Variants in LRP8 observed in about 807,000 individuals in gnomAD.
LRP8 encodes the protein low-density lipoprotein receptor-related protein 8.
Under a neutral mutation model 111.6 loss-of-function variants are expected in LRP8, and 46 were observed. The observed-to-expected ratio is 0.41, with a 90% CI of 0.33 to 0.53. The LOEUF (loss-of-function observed/expected upper bound fraction) is 0.53, where lower values mean the gene tolerates loss of function less well. LRP8 is among the 20% of genes least tolerant of loss of function. The pLI, the probability that LRP8 is intolerant of heterozygous loss-of-function variation, is 0.20. For missense variants in LRP8, 959 were observed against 1,297.4 expected (o/e 0.74, Z 4.01); for synonymous variants, 464 against 511.2 (o/e 0.91, Z 1.24).
At chr1:53,290,652 A>G (rs900684229) in intron 2 of LRP8, among the ~76,000 whole-genome samples, 11 of 152,152 alleles carry the variant, frequency 7.2e-5, no homozygotes, top group Middle Eastern at 3.2e-3. Flanking sequence ...GTCTTGTCCT[A>G]CGAGGAACTA....
At chr1:53,270,024 C>A (rs1321029805) in intron 8 of LRP8, among the ~76,000 whole-genome samples, 1 of 148,456 alleles carries the variant, frequency 6.7e-6, no homozygotes, top group African/African-American at 2.4e-5. Context: ...GGTTCATATT[C>A]TGTTGTATGA....
intron 9 of LRP8, among the ~76,000 whole-genome samples, chr1:53,265,722 C>T (rs931604253): frequency 2.6e-5 from 4 of 152,214 alleles, no homozygotes; most frequent in African/African-American, 9.6e-5. Context: ...TCCACTCTTC[C>T]ACCCATCTGT....
chr1:53,272,261 C>T lies in LRP8; in HGVS notation c.1007-915G>A, dbSNP rs369563946. Among the ~76,000 whole-genome samples, 6 of 152,264 alleles carry T rather than the reference C, an allele frequency of 3.9e-5. No individual in the cohort carries two copies. In the East Asian group the frequency reaches 1.2e-3, roughly 29 times the overall value. ...ACCTGCTGCAAGAGGTGAAGGGATG[C>T]CCAGAGGTCATCTGGTTCTGGTTCC... On this transcript the variant is annotated intron_variant, in intron 6 of 18. Coordinates refer to ENST00000306052, the MANE Select transcript of LRP8 (RefSeq NM_004631.5).
intron 3 of LRP8, among the ~76,000 whole-genome samples, chr1:53,286,982 A>G (rs1310328878): frequency 6.6e-6 from 1 of 152,284 alleles, no homozygotes; most frequent in Non-Finnish European, 1.5e-5. Context: ...ACTGAGGTTC[A>G]GGATGACTGG....
chr1:53,312,453 C>T lies in LRP8; in HGVS notation c.244+14420G>A, dbSNP rs1653175477. Among the ~76,000 whole-genome samples the T allele has an allele frequency of 6.6e-5, 10 of 152,298 alleles. No homozygotes were observed. The South Asian group carries it at 2.1e-3, about 32-fold the overall frequency. ...GACTATAGCCCACTGCAACCTCAAA[C>T]TCCTGGGCTCAAGCAATCCTCCTGC... is the stretch of plus-strand genomic sequence containing the variant. On this transcript the variant is annotated intron_variant, in intron 2 of 18. Transcript: ENST00000306052.
intron 14 of LRP8, among the ~76,000 whole-genome samples, chr1:53,257,685 G>GA (rs1646153892): frequency 2.0e-5 from 3 of 152,164 alleles, no homozygotes; most frequent in Admixed American, 2.0e-4. Context: ...CATTGCTGTG[G>GA]AATTAGTTGT....
In LRP8 at chr1:53,247,047, A is replaced by G. The variant is rs753711512; in HGVS notation, c.2863T>C (p.Leu955=). 5.1e-5 allele frequency: 82 copies of G among 1,601,784 alleles called. No individual in the cohort carries two copies. The highest frequency in any genetic ancestry group is 7.0e-5 in the Non-Finnish European group (82 of 1,175,868). ...LPVVKSKRVA[L]SLEDDGLP ...GGTAGTCCATCATCTTCAAGGCTTA[A>G]TGCCACTCGCTGGGGAGACAAACCA... The change falls in exon 19 of 19, where the codon TTA becomes CTA. Residue 955 remains leucine (L), a synonymous_variant. Coordinates refer to ENST00000306052, the MANE Select transcript of LRP8 (RefSeq NM_004631.5).
At chr1:53,319,910 A>T (rs1313976296) in intron 2 of LRP8, among the ~76,000 whole-genome samples, 3 of 152,222 alleles carry the variant, frequency 2.0e-5, no homozygotes, top group African/African-American at 7.2e-5. Flanking sequence ...GCCACACTTT[A>T]CTGTCATCGT....
chr1:53,318,579 A>G (rs1024128303), intron 2 of LRP8, among the ~76,000 whole-genome samples: 1 of 152,222 alleles, frequency 6.6e-6, no homozygotes, highest in Non-Finnish European at 1.5e-5. Context: ...ATGGAGTTCA[A>G]GGATGTCCAT....
chr1:53,276,957 G>T lies in LRP8; in HGVS notation c.618C>A (p.Cys206Ter). Reference sequence around the variant, plus strand: ...CGCCGCAGCGGAACTCGCGGGGCCCGCAGGCCGGGTCTGCACAGCCGCGCT... The same window carrying T: ...CGCCGCAGCGGAACTCGCGGGGCCCTCAGGCCGGGTCTGCACAGCCGCGCT... ...SDERGCADPA[C>*]GPREFRCGGD... The change falls in exon 5 of 19, where the codon TGC (cysteine) becomes TGA (stop). Residue 206 changes from cysteine (C) to a stop codon, truncating the protein, a stop_gained. Transcript: ENST00000306052. LOFTEE classifies it high-confidence loss of function. The T allele has an allele frequency of 6.8e-7, 1 of 1,477,490 alleles. No homozygotes were observed. The allele number at this position is 1,477,490 out of a possible 1,614,324, so 91.5% of individuals were successfully genotyped here. A position where few individuals can be genotyped will look rare whatever the true frequency, so the allele number is the denominator to read the frequency against.
rs1006058467 is a variant in LRP8 at position 53,275,837 on chromosome 1, G to C, written c.884-84C>G. ...CCACCACCCCAATCCCCATGCCATA[G>C]CCACCCCCAGCAAAAACAGAACCAG... On this transcript the variant is annotated intron_variant, in intron 5 of 18. Transcript: ENST00000306052. The surrounding 1 kb of genome is among the most constrained non-coding windows in gnomAD (Gnocchi z 4.4). 17 of 1,505,722 alleles carry C rather than the reference G, an allele frequency of 1.1e-5. No homozygotes were observed. The South Asian group carries it at 2.2e-4, about 19-fold the overall frequency. 93.3% of individuals were successfully genotyped at this position (1,505,722 alleles called of 1,614,324 possible).
chr1:53,327,381 C>G, intron 1 of LRP8: 1 of 268,328 alleles, frequency 3.7e-6, no homozygotes, highest in Non-Finnish European at 7.0e-6. Context: ...CCCTCTCTCT[C>G]CGCCGCGCGC....
At chr1:53,290,219 CA>C (rs1329787639) in intron 2 of LRP8, among the ~76,000 whole-genome samples, 2 of 152,088 alleles carry the variant, frequency 1.3e-5, no homozygotes, top group Admixed American at 6.5e-5. Flanking sequence ...GCAAGACACC[CA>C]AATCAGTCCC....
chr1:53,289,124 C>T (rs1474044351), intron 3 of LRP8, among the ~76,000 whole-genome samples: 5 of 152,214 alleles, frequency 3.3e-5, no homozygotes, highest in African/African-American at 1.2e-4. Context: ...TTACAAAACT[C>T]AGAAAATGAC....
At chr1:53,260,747 CT>C (rs1294596627) in intron 12 of LRP8, 142 bp from the exon 13 acceptor site, 5 of 731,014 alleles carry the variant, frequency 6.8e-6, no homozygotes, top group Non-Finnish European at 9.1e-6. Flanking sequence ...CACGGTGGGG[CT>C]CTCAGCCTCT....
chr1:53,326,957 A>G lies in LRP8; in HGVS notation c.160T>C (p.Cys54Arg). 6.2e-7 allele frequency: 1 copy of G among 1,613,762 alleles called. No homozygotes were observed. Among genetic ancestry groups the G allele is most frequent in the East Asian group, 2.2e-5 (1 of 44,868 alleles). ...AKDCEKDQFQ[C>R]RNERCIPSVW... ...GAGGGGATGCAGCGCTCGTTCCGGC[A>G]CTGGAATTGGTCCTTTTCGCAATCC... The change falls in exon 2 of 19, where the codon TGC becomes CGC. Residue 54 changes from cysteine to arginine, a missense_variant. By Grantham distance (180) the Cys-to-Arg change is radical (BLOSUM62 -3). This residue lies in a region of LRP8 where 97 missense variants were observed against 107.5 expected (regional missense o/e 0.90). Coordinates refer to ENST00000306052, the MANE Select transcript of LRP8 (RefSeq NM_004631.5).
At chr1:53,326,001 A>T (rs1655073866) in intron 2 of LRP8, among the ~76,000 whole-genome samples, 1 of 151,926 alleles carries the variant, frequency 6.6e-6, no homozygotes, top group Non-Finnish European at 1.5e-5. Context: ...TCTGAGAAGA[A>T]ACTTCTAAAT....
chr1:53,256,969 C>G (rs1004435335), intron 15 of LRP8, among the ~76,000 whole-genome samples: 2 of 152,222 alleles, frequency 1.3e-5, no homozygotes, highest in African/African-American at 4.8e-5. Flanking sequence ...TCTTGTGAAG[C>G]AGGTTGTGGA....
chr1:53,310,931 A>C (rs1301524678), intron 2 of LRP8, among the ~76,000 whole-genome samples: 2 of 152,172 alleles, frequency 1.3e-5, no homozygotes, highest in Non-Finnish European at 2.9e-5. Context: ...AGGAGATGAC[A>C]AAGGTGCCAA....
Sources: allele counts gnomAD v4.1 joint callset (sites outside exome capture counted in the v4.1 genomes callset), GRCh38; gene constraint gnomAD v4.1.1; regional missense constraint gnomAD v4.1.1; non-coding constraint Gnocchi (gnomAD v3.1); transcripts MANE v1.5; gene names NCBI Gene and HGNC (gene_info 2026-07-23, HGNC 2026-07-21).